The following PPP2CA variants were observed in gnomAD, a reference collection of about 807,000 sequenced individuals.
PPP2CA encodes the protein serine/threonine-protein phosphatase 2A catalytic subunit alpha isoform.
In PPP2CA, 5 loss-of-function variants were observed where a neutral mutation model predicts 38.8. The ratio of observed to expected loss-of-function variants is 0.13; its 90% CI spans 0.07 to 0.27. The LOEUF (loss-of-function observed/expected upper bound fraction) is 0.27. Among genes scored for constraint, PPP2CA ranks in the 10% least tolerant of loss-of-function variants. PPP2CA has a pLI of 1.00. For synonymous variants in PPP2CA, 152 were observed against 134.0 expected, an observed-to-expected ratio of 1.13 and a Z score of -0.93; for missense variants, 88 against 389.7, an observed-to-expected ratio of 0.23 and a Z score of 6.52.
chr5:134,196,840 C>T lies in PPP2CA; in HGVS notation c.*932G>A, dbSNP rs1018959814. ...GAAGCAGCACAGATTTCCTTTCTTA[C>T]AAACAAGTTAATATGCAGGAAGAAC... On this transcript the variant is annotated 3_prime_UTR_variant, in exon 7 of 7. Transcript: ENST00000481195. 4.6e-5 allele frequency: 7 copies of T among 152,584 alleles called. No individual in the cohort carries two copies. The highest frequency in any genetic ancestry group is 8.8e-5 in the Non-Finnish European group (6 of 68,004). 9.5% of individuals were successfully genotyped at this position (152,584 alleles called of 1,614,324 possible). A position where few individuals can be genotyped will look rare whatever the true frequency, so the allele number is the denominator to read the frequency against.
Position 134,217,668 on chromosome 5 carries a change from G to A in PPP2CA, c.102+8092C>T, listed in dbSNP as rs561063046. Among the ~76,000 whole-genome samples the A allele has an allele frequency of 2.6e-5, 4 of 152,316 alleles. No homozygotes were observed. In the South Asian group the frequency reaches 6.2e-4, roughly 24 times the overall value. ...AGTGTACAGGGCTAGAGTTTGAGGC[G>A]TGGGGTGATACATGATGTAGAACAT... is the stretch of plus-strand genomic sequence containing the variant. On this transcript the variant is annotated intron_variant, in intron 1 of 6. Transcript: ENST00000481195.
In PPP2CA at chr5:134,219,962, G is replaced by T. The variant is rs1163189870; in HGVS notation, c.102+5798C>A. Among the ~76,000 whole-genome samples, 5 of 146,660 alleles carry T rather than the reference G, an allele frequency of 3.4e-5. No homozygotes were observed. In the East Asian group the frequency reaches 8.3e-4, roughly 24 times the overall value. On this transcript the variant is annotated intron_variant, in intron 1 of 6. Coordinates refer to ENST00000481195, the MANE Select transcript of PPP2CA (RefSeq NM_002715.4). ...GGAGACAAAGGTTGCAGTGAGCCGA[G>T]ATCATGCAACTGTACTCTGGCCTGG...
chr5:134,201,803 G>A, intron 3 of PPP2CA, 45 bp downstream of exon 3: 1 of 1,584,420 alleles, frequency 6.3e-7, no homozygotes. Context: ...ACTAAAGAAA[G>A]CAGATTCTCT....
chr5:134,199,317 T>A, intron 5 of PPP2CA, 113 bp from the exon 6 acceptor site: 4 of 731,542 alleles, frequency 5.5e-6, no homozygotes, highest in South Asian at 3.5e-5. Flanking sequence ...CAAAGGGGCT[T>A]AAGAAATGTT....
intron 1 of PPP2CA, among the ~76,000 whole-genome samples, chr5:134,222,640 A>C (rs1045772477): frequency 6.6e-6 from 1 of 152,190 alleles, no homozygotes; most frequent in Non-Finnish European, 1.5e-5. Context: ...GAAGTCACAT[A>C]ATAAAAGATT....
intron 3 of PPP2CA, 109 bp from the exon 4 acceptor site, chr5:134,201,183 AG>A (rs1166713704): frequency 2.7e-4 from 215 of 787,736 alleles, no homozygotes; most frequent in Non-Finnish European, 3.5e-4. Flanking sequence ...AAGCTGAGGC[AG>A]GAGGGCTGCT....
In PPP2CA at chr5:134,208,599, G is replaced by A. The variant is rs187557526; in HGVS notation, c.103-2468C>T. 2.5e-4 allele frequency among the ~76,000 whole-genome samples: 38 copies of A among 151,996 alleles called. No homozygotes were observed. In the East Asian group the frequency reaches 6.0e-3, roughly 24 times the overall value. On this transcript the variant is annotated intron_variant, in intron 1 of 6. Transcript: ENST00000481195. ...AGATAATCCTATCGTAAATATAATC[G>A]AGTCAACAGTGTGTTTTCAGCTTAC...
At chr5:134,212,047 G>A (rs966830469) in intron 1 of PPP2CA, among the ~76,000 whole-genome samples, 2 of 152,134 alleles carry the variant, frequency 1.3e-5, no homozygotes, top group Admixed American at 1.3e-4. Context: ...TTGAACCTGG[G>A]AGGCGAGGTT....
At chr5:134,200,199 C>T (rs1276866333) in intron 5 of PPP2CA, 136 bp downstream of exon 5, 4 of 933,908 alleles carry the variant, frequency 4.3e-6, no homozygotes, top group African/African-American at 1.7e-5. Context: ...ACTGAAAAGG[C>T]TCAGGCTATA....
chr5:134,208,004 TACC>T lies in PPP2CA; in HGVS notation c.103-1876_103-1874del, dbSNP rs370120214. Among the ~76,000 whole-genome samples, 56 of 152,348 alleles carry T rather than the reference TACC, an allele frequency of 3.7e-4. 1 individual carries two copies. In the South Asian group the frequency reaches 0.011, roughly 29 times the overall value. On this transcript the variant is annotated intron_variant, in intron 1 of 6. Coordinates refer to ENST00000481195, the MANE Select transcript of PPP2CA (RefSeq NM_002715.4). ...CATTACCAAGTCTGTCTGGCATTAA[TACC>T]ACATCTAGTGTTTTTTTAACACCTA...
chr5:134,224,259 CA>C (rs1432741648), intron 1 of PPP2CA: 3 of 454,748 alleles, frequency 6.6e-6, no homozygotes, highest in Non-Finnish European at 8.8e-6. Flanking sequence ...ATACCAACCT[CA>C]TTTGACGTGA....
chr5:134,216,264 C>G (rs550175015), intron 1 of PPP2CA, among the ~76,000 whole-genome samples: 1 of 151,916 alleles, frequency 6.6e-6, no homozygotes, highest in South Asian at 2.1e-4. Context: ...CGGGTGGGCA[C>G]GGTGGATCAT....
intron 1 of PPP2CA, 46 bp downstream of exon 1, chr5:134,225,714 C>A: frequency 1.3e-6 from 2 of 1,561,132 alleles, no homozygotes; most frequent in Non-Finnish European, 1.7e-6. Flanking sequence ...TTTTCCTCGG[C>A]GGGCTCGGCC....
chr5:134,206,621 G>C (rs1762090233), intron 1 of PPP2CA, among the ~76,000 whole-genome samples: 1 of 151,954 alleles, frequency 6.6e-6, no homozygotes, highest in African/African-American at 2.4e-5. Flanking sequence ...CCTCAGTAGT[G>C]GGGACCACAG....
At chr5:134,198,326 G>GA (rs1761898900) in intron 6 of PPP2CA, among the ~76,000 whole-genome samples, 1 of 152,014 alleles carries the variant, frequency 6.6e-6, no homozygotes, top group Non-Finnish European at 1.5e-5. Context: ...CCGGGAGGCA[G>GA]AGCTTGCAGT....
At chr5:134,220,705 C>G (rs182406693) in intron 1 of PPP2CA, among the ~76,000 whole-genome samples, 11 of 152,318 alleles carry the variant, frequency 7.2e-5, no homozygotes, top group Non-Finnish European at 1.3e-4. Flanking sequence ...GTTTTCCTAA[C>G]TTACCCCTTC....
intron 1 of PPP2CA, among the ~76,000 whole-genome samples, chr5:134,222,856 G>C (rs1340507427): frequency 1.3e-5 from 2 of 152,176 alleles, no homozygotes; most frequent in African/African-American, 4.8e-5. Context: ...CTTGGCTTTT[G>C]TATAAGTCTT....
At chr5:134,218,802 G>A (rs1179402768) in intron 1 of PPP2CA, among the ~76,000 whole-genome samples, 1 of 151,932 alleles carries the variant, frequency 6.6e-6, no homozygotes, top group Non-Finnish European at 1.5e-5. Flanking sequence ...CCGAGCAGCT[G>A]GGACTACAGG....
intron 2 of PPP2CA, among the ~76,000 whole-genome samples, chr5:134,203,734 TC>T (rs1762016483): frequency 6.6e-6 from 1 of 152,024 alleles, no homozygotes; most frequent in Admixed American, 6.6e-5. Context: ...TAAGTTTTTT[TC>T]CCCCCAGATA....
Sources: gnomAD v4.1 joint callset for allele counts (sites outside exome capture counted in the v4.1 genomes callset) on GRCh38, gnomAD v4.1.1 for gene constraint, MANE v1.5 for transcripts, NCBI Gene and HGNC (gene_info 2026-07-23, HGNC 2026-07-21) for gene names.